UTRN: variants seen among roughly 807,000 people sequenced by gnomAD.
UTRN encodes the protein dystrophin-related protein 1.
Under a neutral mutation model 463.9 loss-of-function variants are expected in UTRN, and 283 were observed. The ratio of observed to expected loss-of-function variants is 0.61; its 90% CI spans 0.55 to 0.67. The LOEUF (loss-of-function observed/expected upper bound fraction) is 0.67. UTRN is among the 30% of genes least tolerant of loss of function. The probability of loss-of-function intolerance (pLI) is 0.00; values close to 1 mark genes in which losing one functional copy is unlikely to be tolerated. For missense variants in UTRN, 3,922 were observed against 4,084.3 expected (o/e 0.96, Z 1.08); for synonymous variants, 1,442 against 1,431.5 (o/e 1.01, Z -0.17).
At chr6:144,434,154 A>C (rs1028743128) in intron 9 of UTRN, among the ~76,000 whole-genome samples, 2 of 152,258 alleles carry the variant, frequency 1.3e-5, no homozygotes, top group Non-Finnish European at 1.5e-5. Context: ...CAGCCCGGCC[A>C]ACACAGCGAA....
chr6:144,514,669 A>T lies in UTRN; in HGVS notation c.5093A>T (p.Asp1698Val), dbSNP rs770768521. The T allele has an allele frequency of 2.5e-6, 4 of 1,614,050 alleles. No individual in the cohort carries two copies. In the East Asian group the frequency reaches 8.9e-5, roughly 36 times the overall value. Residue 1698 changes from aspartate to valine, a missense_variant, in exon 37 of 75, where the codon GAT (aspartate) becomes GTT (valine). This residue lies in a region of UTRN where 2,349 missense variants were observed against 2,303.8 expected (regional missense o/e 1.02). Coordinates refer to ENST00000367545, the MANE Select transcript of UTRN (RefSeq NM_007124.3). ...EIVKRLVSEL[D>V]DANLQVENVR... ...AATTAGCGTTTAGTATCTGAGCTGG[A>T]TGATGCCAACCTCCAGGTTGAAAAT... is the stretch of plus-strand genomic sequence containing the variant.
intron 27 of UTRN, 113 bp from the exon 28 acceptor site, chr6:144,485,272 C>T (rs1393779191): frequency 3.5e-6 from 5 of 1,441,576 alleles, no homozygotes; most frequent in Non-Finnish European, 4.7e-6. Flanking sequence ...TTCTGAATTC[C>T]TAGGTATACT....
intron 3 of UTRN, among the ~76,000 whole-genome samples, chr6:144,416,039 ATGTGTGTGTGTGTATGTG>A (rs1056322513): frequency 2.6e-5 from 4 of 150,956 alleles, no homozygotes; most frequent in African/African-American, 4.9e-5. Context: ...TAGTCCGTGG[ATGTGTGTGTGTGTATGTG>A]TGTGTGTGTG....
intron 2 of UTRN, among the ~76,000 whole-genome samples, chr6:144,307,689 CA>C (rs1805865074): frequency 6.6e-6 from 1 of 152,046 alleles, no homozygotes; most frequent in African/African-American, 2.4e-5. Flanking sequence ...GTTTGAAGGG[CA>C]AAATTTCTGA....
intron 51 of UTRN, among the ~76,000 whole-genome samples, chr6:144,580,229 G>GTGGTAGTGC (rs1554295629): frequency 6.6e-6 from 1 of 151,016 alleles, no homozygotes; most frequent in African/African-American, 2.4e-5. Flanking sequence ...GGCAGTGGTG[G>GTGGTAGTGC]TGGTGGTGCT....
At chr6:144,383,736 T>G (rs1781146637) in intron 2 of UTRN, among the ~76,000 whole-genome samples, 1 of 152,218 alleles carries the variant, frequency 6.6e-6, no homozygotes, top group Non-Finnish European at 1.5e-5. Context: ...GAAAGGATGC[T>G]TGAGTAGGCA....
intron 51 of UTRN, among the ~76,000 whole-genome samples, chr6:144,628,296 T>C (rs1394371379): frequency 6.6e-6 from 1 of 152,228 alleles, no homozygotes; most frequent in Non-Finnish European, 1.5e-5. Flanking sequence ...TAATCAGATA[T>C]TTTATTCACC....
chr6:144,744,887 T>G (rs1360537149), intron 54 of UTRN, among the ~76,000 whole-genome samples: 1 of 152,212 alleles, frequency 6.6e-6, no homozygotes, highest in East Asian at 1.9e-4. Flanking sequence ...AGTGGAAATG[T>G]CCCGTAAGCT....
intron 9 of UTRN, among the ~76,000 whole-genome samples, chr6:144,434,265 G>A (rs573583041): frequency 6.6e-6 from 1 of 151,200 alleles, no homozygotes; most frequent in Non-Finnish European, 1.5e-5. Flanking sequence ...ATCAGGCAGG[G>A]AGGTTGCAGT....
At chr6:144,354,483 A>G (rs1315215074) in intron 2 of UTRN, among the ~76,000 whole-genome samples, 1 of 152,182 alleles carries the variant, frequency 6.6e-6, no homozygotes, top group Non-Finnish European at 1.5e-5. Context: ...GTTGGACCCA[A>G]CTGGATTAAA....
intron 18 of UTRN, among the ~76,000 whole-genome samples, chr6:144,452,539 A>C (rs1232669715): frequency 4.6e-5 from 7 of 152,198 alleles, no homozygotes; most frequent in African/African-American, 1.7e-4. Flanking sequence ...GTGTGTATAC[A>C]TGATTTTACT....
chr6:144,678,775 C>T (rs551020971), intron 52 of UTRN, among the ~76,000 whole-genome samples, 197 bp downstream of exon 52: 1 of 152,134 alleles, frequency 6.6e-6, no homozygotes, highest in Non-Finnish European at 1.5e-5. Flanking sequence ...TTTCTGCCAC[C>T]TGTTCTAGAC....
chr6:144,406,877 C>T (rs1783467034), intron 3 of UTRN, among the ~76,000 whole-genome samples: 1 of 152,100 alleles, frequency 6.6e-6, no homozygotes, highest in African/African-American at 2.4e-5. Context: ...TCCCAATTTA[C>T]TCCTAATTTT....
intron 66 of UTRN, among the ~76,000 whole-genome samples, chr6:144,824,450 T>TGTATATATATAGTATATATATACAC (rs767872623): frequency 1.2e-5 from 1 of 80,294 alleles, no homozygotes; most frequent in East Asian, 3.1e-4. Flanking sequence ...TATATACACA[T>TGTATATATATAGTATATATATACAC]ATACAATAAA....
chr6:144,426,413 A>G lies in UTRN; in HGVS notation c.532A>G (p.Ser178Gly), dbSNP rs753564964. Residue 178 changes from serine (S) to glycine (G), a missense_variant, in exon 7 of 75, where the codon AGC becomes GGC. Coordinates refer to ENST00000367545, the MANE Select transcript of UTRN (RefSeq NM_007124.3). ...AGTCAACGTCCTCAACTTCACCACC[A>G]GCTGGACAGATGGACTCGCCTTTAA... Reference protein sequence around the residue: ...SQVNVLNFTTSWTDGLAFNAV... With the variant: ...SQVNVLNFTTGWTDGLAFNAV... 2 of 1,614,134 alleles carry G rather than the reference A, an allele frequency of 1.2e-6. No individual in the cohort carries two copies. Among genetic ancestry groups the G allele is most frequent in the Admixed American group, 3.3e-5 (2 of 60,014 alleles).
chr6:144,636,778 G>A (rs562154562), intron 51 of UTRN, among the ~76,000 whole-genome samples: 5 of 151,924 alleles, frequency 3.3e-5, no homozygotes, highest in African/African-American at 7.2e-5. Flanking sequence ...TTTTTTCTTC[G>A]TTCATTCTCT....
intron 24 of UTRN, among the ~76,000 whole-genome samples, chr6:144,474,214 T>C (rs1400300126): frequency 6.6e-6 from 1 of 151,186 alleles, no homozygotes; most frequent in African/African-American, 2.4e-5. Context: ...ATCCTCACCA[T>C]GTGGCACAAG....
chr6:144,418,444 C>T (rs1030476532), intron 3 of UTRN, among the ~76,000 whole-genome samples: 17 of 150,640 alleles, frequency 1.1e-4, no homozygotes, highest in Non-Finnish European at 2.5e-4. Context: ...AGGATGGTCT[C>T]GATCTCCTGA....
intron 35 of UTRN, among the ~76,000 whole-genome samples, chr6:144,511,603 A>G (rs1795177192): frequency 6.6e-6 from 1 of 152,216 alleles, no homozygotes. Context: ...AATGGACATT[A>G]TTATATCTAT....
Sources: gnomAD v4.1 joint callset for allele counts (sites outside exome capture counted in the v4.1 genomes callset) on GRCh38, gnomAD v4.1.1 for gene constraint, gnomAD v4.1.1 regional missense constraint, MANE v1.5 for transcripts, NCBI Gene and HGNC (gene_info 2026-07-23, HGNC 2026-07-21) for gene names.